CDKL1: variants seen among roughly 807,000 people sequenced by gnomAD.
CDKL1 encodes the protein cyclin dependent kinase like 1, also known as cyclin-dependent kinase-like 1.
A neutral mutation model predicts 42.0 loss-of-function variants in CDKL1; 41 were observed. That is an observed-to-expected ratio of 0.98 (90% CI 0.76 to 1.27). CDKL1 has a LOEUF of 1.27. Ranked by LOEUF, CDKL1 falls within the 50% of genes most tolerant of loss-of-function variation. The pLI is 0.00. For synonymous variants in CDKL1, 153 were observed against 158.6 expected, an observed-to-expected ratio of 0.96 and a Z score of 0.26; for missense variants, 394 against 428.4, an observed-to-expected ratio of 0.92 and a Z score of 0.71.
At chr14:50,367,779 C>G (rs2034473015) in intron 2 of CDKL1, among the ~76,000 whole-genome samples, 1 of 152,168 alleles carries the variant, frequency 6.6e-6, no homozygotes, top group Non-Finnish European at 1.5e-5. Flanking sequence ...TCTTGAAGCT[C>G]TTGGTGCTCC....
chr14:50,375,845 G>A (rs1468667918), intron 2 of CDKL1, among the ~76,000 whole-genome samples: 1 of 152,080 alleles, frequency 6.6e-6, no homozygotes, highest in Non-Finnish European at 1.5e-5. Flanking sequence ...TACACTTGAT[G>A]GGATGGGACG....
Position 50,385,070 on chromosome 14 carries a change from CAAAAAAAAAAAAAAAAAAAAAAA to C in CDKL1, c.168+10608_168+10630del, listed in dbSNP as rs55719234. Among the ~76,000 whole-genome samples the C allele has an allele frequency of 9.1e-4, 85 of 93,548 alleles. 1 individual carries two copies. Among genetic ancestry groups the C allele is most frequent in the African/African-American group, 1.2e-3 (29 of 23,872 alleles). 61.4% of individuals were successfully genotyped at this position (93,548 alleles called of 152,430 possible). On this transcript the variant is annotated intron_variant, in intron 2 of 9. Transcript: ENST00000395834. Reference sequence around the variant, plus strand: ...TGGGTGACAGAGCAAGACTCTGTCTCAAAAAAAAAAAAAAAAAAAAAAAAAAAAAAAAAAAAAAGAACCATTGG... The same window carrying C: ...TGGGTGACAGAGCAAGACTCTGTCTCAAAAAAAAAAAAAAAGAACCATTGG...
At chr14:50,334,711 G>A (rs750532769) in intron 7 of CDKL1, 90 bp from the exon 8 acceptor site, 4 of 849,572 alleles carry the variant, frequency 4.7e-6, no homozygotes, top group African/African-American at 1.7e-5. Context: ...ACATTTTCCT[G>A]GCACCTTCCT....
chr14:50,346,651 G>GTT (rs375954757), intron 3 of CDKL1, among the ~76,000 whole-genome samples: 36,544 of 122,788 alleles, frequency 0.3, 5,662 homozygotes, highest in Middle Eastern at 0.4. Flanking sequence ...TTAAATTTTT[G>GTT]GTTTTTTTTT....
At chr14:50,332,461 ACTT>A (rs750252573) in intron 8 of CDKL1, 29 bp from the exon 9 acceptor site, 4 of 1,572,560 alleles carry the variant, frequency 2.5e-6, no homozygotes, top group Non-Finnish European at 3.4e-6. Context: ...CCTTCTTCTT[ACTT>A]CTTCAAAATT....
chr14:50,329,966 C>G lies in CDKL1; in HGVS notation c.*108G>C, dbSNP rs1365851823. The G allele has an allele frequency of 5.3e-6, 7 of 1,331,080 alleles. No individual in the cohort carries two copies. The highest frequency in any genetic ancestry group is 7.0e-6 in the Non-Finnish European group (7 of 1,003,608). 82.5% of individuals were successfully genotyped at this position (1,331,080 alleles called of 1,614,324 possible). On this transcript the variant is annotated 3_prime_UTR_variant, in exon 10 of 10. Coordinates refer to ENST00000395834, the MANE Select transcript of CDKL1 (RefSeq NM_004196.7). ...CCTCCCAGTTTCTTGCTTATGTTTT[C>G]TCCTGGTGTGTTTTCAACATTGTAA...
intron 7 of CDKL1, among the ~76,000 whole-genome samples, chr14:50,338,282 G>T (rs1186669755): frequency 1.3e-5 from 2 of 151,982 alleles, no homozygotes; most frequent in East Asian, 1.9e-4. Context: ...GAGTACAGTG[G>T]TGTGGTGCAA....
Position 50,359,229 on chromosome 14 carries a change from GTTGT to G in CDKL1, c.169-84_169-81del. 4.0e-6 allele frequency: 6 copies of G among 1,493,006 alleles called. No homozygotes were observed. In the South Asian group the frequency reaches 6.5e-5, roughly 16 times the overall value. The allele number at this position is 1,493,006 out of a possible 1,614,324, so 92.5% of individuals were successfully genotyped here. A position where few individuals can be genotyped will look rare whatever the true frequency, so the allele number is the denominator to read the frequency against. The stretch of plus-strand genomic sequence containing the variant: ...CTAATCTTGATCCAATAAAAAGTAA[GTTGT>G]TTGTCCTTTAAGAATTTCATTCTTA... On this transcript the variant is annotated intron_variant, in intron 2 of 9. Transcript: ENST00000395834.
chr14:50,332,193 G>A (rs2032984660), intron 9 of CDKL1, 69 bp downstream of exon 9: 15 of 1,614,008 alleles, frequency 9.3e-6, no homozygotes, highest in Admixed American at 1.7e-5. Context: ...AGCCACAACT[G>A]CCATCCTCAA....
At chr14:50,380,421 TG>T (rs2034871362) in intron 2 of CDKL1, among the ~76,000 whole-genome samples, 2 of 152,372 alleles carry the variant, frequency 1.3e-5, no homozygotes, top group Admixed American at 6.5e-5. Flanking sequence ...ACACAGGCTC[TG>T]GCACTTGACA....
intron 2 of CDKL1, chr14:50,377,819 A>C: frequency 2.3e-6 from 2 of 853,034 alleles, no homozygotes; most frequent in Non-Finnish European, 3.1e-6. Flanking sequence ...AATCACTGAA[A>C]AAAGAAAAAA....
intron 2 of CDKL1, chr14:50,363,221 C>T (rs767824949): frequency 1.4e-4 from 27 of 198,868 alleles, no homozygotes; most frequent in Admixed American, 4.2e-4. Context: ...TAACACTCAC[C>T]GCGAGAGTCT....
chr14:50,332,191 C>T (rs1406705954), intron 9 of CDKL1, 71 bp downstream of exon 9: 3 of 1,614,166 alleles, frequency 1.9e-6, no homozygotes, highest in Admixed American at 3.3e-5. Flanking sequence ...AAAGCCACAA[C>T]TGCCATCCTC....
At chr14:50,335,557 A>G (rs563568803) in intron 7 of CDKL1, 44 of 1,536,064 alleles carry the variant, frequency 2.9e-5, no homozygotes, top group Non-Finnish European at 3.7e-5. Flanking sequence ...AATCAGGAAT[A>G]ACACTATAAA....
At chr14:50,335,468 T>C in intron 7 of CDKL1, 2 of 1,536,070 alleles carry the variant, frequency 1.3e-6, no homozygotes, top group Non-Finnish European at 1.7e-6. Context: ...GCCTGCTGTT[T>C]AAACAGTCTC....
At position 50,394,495 on chromosome 14, in the gene CDKL1, C is replaced by T. The variant is rs530209496; in HGVS notation, c.168+1206G>A. Among the ~76,000 whole-genome samples the T allele has an allele frequency of 2.0e-5, 3 of 152,310 alleles. No homozygotes were observed. In the South Asian group the frequency reaches 6.2e-4, roughly 32 times the overall value. On this transcript the variant is annotated intron_variant, in intron 2 of 9. Coordinates refer to ENST00000395834, the MANE Select transcript of CDKL1 (RefSeq NM_004196.7). ...TAGGTTCCTTATCTAGAAGTGACCC[C>T]ACACACTTATCCATGGGCACAAGAT...
rs1240873062 is a variant in CDKL1, at chr14:50,328,544, G to T, written c.*1530C>A. 1 of 152,160 alleles carries T rather than the reference G, an allele frequency of 6.6e-6. No homozygotes were observed. Among genetic ancestry groups the T allele is most frequent in the Non-Finnish European group, 1.5e-5 (1 of 68,036 alleles). 9.4% of individuals were successfully genotyped at this position (152,160 alleles called of 1,614,324 possible). A position where few individuals can be genotyped will look rare whatever the true frequency, so the allele number is the denominator to read the frequency against. ...AGTGAAATACAACTTTGAAGACCATGGCTGAGAAGTGCTAGGAATAGTGGC... is the reference window on the plus strand; with the variant it reads ...AGTGAAATACAACTTTGAAGACCATTGCTGAGAAGTGCTAGGAATAGTGGC... On this transcript the variant is annotated 3_prime_UTR_variant, in exon 10 of 10. Coordinates refer to ENST00000395834, the MANE Select transcript of CDKL1 (RefSeq NM_004196.7).
At chr14:50,396,917 A>C, upstream of CDKL1, 1 of 301,476 alleles carries the variant, frequency 3.3e-6, no homozygotes, top group Non-Finnish European at 5.7e-6. Flanking sequence ...CCCTATGGGA[A>C]CCGGCTCCCG....
At chr14:50,355,899 A>G (rs956958413) in intron 3 of CDKL1, among the ~76,000 whole-genome samples, 2 of 152,172 alleles carry the variant, frequency 1.3e-5, no homozygotes, top group Non-Finnish European at 2.9e-5. Context: ...ATTATGGGCA[A>G]ACTGGTGGGG....
Sources: allele counts gnomAD v4.1 joint callset (sites outside exome capture counted in the v4.1 genomes callset), GRCh38; gene constraint gnomAD v4.1.1; transcripts MANE v1.5; gene names NCBI Gene and HGNC (gene_info 2026-07-23, HGNC 2026-07-21).